The following NIBAN1 variants were observed in gnomAD, a reference collection of about 807,000 sequenced individuals.
NIBAN1 encodes niban apoptosis regulator 1, also known as protein Niban 1.
In NIBAN1, 81 loss-of-function variants were observed where a neutral mutation model predicts 75.1. That is an observed-to-expected ratio of 1.08 (90% CI 0.90 to 1.30). NIBAN1 has a LOEUF of 1.30. NIBAN1 is among the 50% of genes most tolerant of loss of function. NIBAN1 has a pLI of 0.00. For missense variants in NIBAN1, 1,133 were observed against 1,128.1 expected, an observed-to-expected ratio of 1.00 and a Z score of -0.06; for synonymous variants, 436 against 424.8, an observed-to-expected ratio of 1.03 and a Z score of -0.32.
At chr1:184,806,815 G>C (rs993842509) in intron 10 of NIBAN1, among the ~76,000 whole-genome samples, 48 of 147,282 alleles carry the variant, frequency 3.3e-4, no homozygotes, top group African/African-American at 1.2e-3. Flanking sequence ...ATCCAGGCTG[G>C]AGTAGTGCAG....
At chr1:184,916,249 A>T (rs142278455) in intron 1 of NIBAN1, among the ~76,000 whole-genome samples, 130 of 152,342 alleles carry the variant, frequency 8.5e-4, no homozygotes, top group African/African-American at 3.1e-3. Context: ...ATTGCTTTGT[A>T]ACAGAGATAT....
intron 1 of NIBAN1, among the ~76,000 whole-genome samples, chr1:184,962,497 C>T (rs961273203): frequency 6.6e-6 from 1 of 152,000 alleles, no homozygotes; most frequent in Non-Finnish European, 1.5e-5. Flanking sequence ...AATGGCCAAC[C>T]CAGTTGTAGC....
chr1:184,820,879 T>G lies in NIBAN1; in HGVS notation c.986-2054A>C, dbSNP rs149608358. 6.6e-5 allele frequency among the ~76,000 whole-genome samples: 10 copies of G among 152,362 alleles called. No homozygotes were observed. The East Asian group carries it at 1.9e-3, about 29-fold the overall frequency. On this transcript the variant is annotated intron_variant, in intron 8 of 13. Coordinates refer to ENST00000367511, the MANE Select transcript of NIBAN1 (RefSeq NM_052966.4). ...TTACTATATTACAAGTGCTTACAAC[T>G]CTGGAAGTGGCCCCTTGGAAGAACT...
intron 5 of NIBAN1, among the ~76,000 whole-genome samples, chr1:184,867,396 C>A (rs1176191986): frequency 1.3e-5 from 2 of 152,140 alleles, no homozygotes; most frequent in Non-Finnish European, 2.9e-5. Context: ...AAGAATGACT[C>A]ATTATTATTG....
chr1:184,904,726 G>A (rs1405235240), intron 1 of NIBAN1, among the ~76,000 whole-genome samples: 1 of 152,164 alleles, frequency 6.6e-6, no homozygotes, highest in Non-Finnish European at 1.5e-5. Flanking sequence ...CAAGGTGGGT[G>A]GATCACTTGA....
chr1:184,965,921 C>T (rs910582970), intron 1 of NIBAN1, among the ~76,000 whole-genome samples: 3 of 152,170 alleles, frequency 2.0e-5, no homozygotes, highest in African/African-American at 2.4e-5. Flanking sequence ...AAACTCCAGA[C>T]TGTGAAAAAC....
intron 6 of NIBAN1, among the ~76,000 whole-genome samples, chr1:184,828,633 G>A (rs754473541): frequency 9.9e-5 from 15 of 152,092 alleles, no homozygotes; most frequent in Non-Finnish European, 1.8e-4. Flanking sequence ...TCTCCAAGCC[G>A]GTTTAAAATG....
chr1:184,908,764 A>G (rs1285044786), intron 1 of NIBAN1, among the ~76,000 whole-genome samples: 3 of 152,110 alleles, frequency 2.0e-5, no homozygotes, highest in Non-Finnish European at 2.9e-5. Flanking sequence ...CAATTTTCTC[A>G]TGATACATCT....
chr1:184,795,805 C>T lies in NIBAN1; in HGVS notation c.1959G>A (p.Glu653=). 6.2e-7 allele frequency: 1 copy of T among 1,610,486 alleles called. No homozygotes were observed. The change falls in exon 14 of 14, where the codon GAG becomes GAA. Residue 653 remains glutamate, a synonymous_variant. Transcript: ENST00000367511. ...PGPSPPPDGT[E]QVIISRVDDP... ...CATCCACTCTTGAAATAATCACCTG[C>T]TCAGTCCCATCTGGGGGTGGGCTTG...
chr1:184,844,111 G>A (rs980159036), intron 5 of NIBAN1, among the ~76,000 whole-genome samples: 2 of 152,154 alleles, frequency 1.3e-5, no homozygotes, highest in African/African-American at 2.4e-5. Flanking sequence ...GTTGACAAAC[G>A]GGTCTTGGTA....
chr1:184,911,664 C>T (rs1211414293), intron 1 of NIBAN1, among the ~76,000 whole-genome samples: 1 of 152,196 alleles, frequency 6.6e-6, no homozygotes, highest in Admixed American at 6.5e-5. Flanking sequence ...AAAAGTACTG[C>T]TATGAACCAG....
chr1:184,794,668 ACTG>A lies in NIBAN1; in HGVS notation c.*306_*308del. On this transcript the variant is annotated 3_prime_UTR_variant, in exon 14 of 14. Transcript: ENST00000367511. ...AGAGTATACTCAAAACTGTCATCCTACTGTTTTCTCAGTCTTCCCTGCAATACT... is the reference window on the plus strand; with the variant it reads ...AGAGTATACTCAAAACTGTCATCCTATTTTCTCAGTCTTCCCTGCAATACT... The A allele has an allele frequency of 4.3e-6, 2 of 460,110 alleles. No individual in the cohort carries two copies. The highest frequency in any genetic ancestry group is 4.0e-5 in the African/African-American group (2 of 50,494). The allele number at this position is 460,110 out of a possible 1,614,324, so 28.5% of individuals were successfully genotyped here.
At chr1:184,915,256 AC>A (rs1259054094) in intron 1 of NIBAN1, among the ~76,000 whole-genome samples, 1 of 152,192 alleles carries the variant, frequency 6.6e-6, no homozygotes, top group African/African-American at 2.4e-5. Flanking sequence ...AGTCAGAGAA[AC>A]TGTGTTTTCA....
chr1:184,812,197 G>A (rs931801102), intron 9 of NIBAN1, among the ~76,000 whole-genome samples: 2 of 151,926 alleles, frequency 1.3e-5, no homozygotes, highest in Non-Finnish European at 2.9e-5. Context: ...CAACCATCTT[G>A]CCCAGAGACC....
intron 9 of NIBAN1, among the ~76,000 whole-genome samples, chr1:184,814,105 A>T (rs1654460218): frequency 1.3e-5 from 2 of 152,256 alleles, no homozygotes; most frequent in South Asian, 4.1e-4. Context: ...TTTAAATTAT[A>T]CAAAGCTAAA....
intron 1 of NIBAN1, among the ~76,000 whole-genome samples, chr1:184,932,048 T>A (rs556949508): frequency 6.6e-6 from 1 of 152,292 alleles, no homozygotes; most frequent in African/African-American, 2.4e-5. Context: ...ACATAGCATC[T>A]AATTATAAAA....
chr1:184,862,181 G>A (rs770594235), intron 5 of NIBAN1, among the ~76,000 whole-genome samples: 11 of 152,014 alleles, frequency 7.2e-5, no homozygotes, highest in Non-Finnish European at 1.2e-4. Flanking sequence ...GTTTATCTCC[G>A]AATGCTCCCC....
At chr1:184,932,918 AC>A (rs1657862993) in intron 1 of NIBAN1, among the ~76,000 whole-genome samples, 1 of 152,194 alleles carries the variant, frequency 6.6e-6, no homozygotes, top group African/African-American at 2.4e-5. Context: ...AACCCTTCTG[AC>A]AAAAAAGAGA....
intron 1 of NIBAN1, among the ~76,000 whole-genome samples, chr1:184,946,008 AAAG>A (rs1402542694): frequency 2.0e-5 from 3 of 151,986 alleles, no homozygotes; most frequent in Non-Finnish European, 4.4e-5. Flanking sequence ...TAAAAAAAAA[AAAG>A]AAAGAGGGGC....
Sources: gnomAD v4.1 joint callset for allele counts (sites outside exome capture counted in the v4.1 genomes callset) on GRCh38, gnomAD v4.1.1 for gene constraint, MANE v1.5 for transcripts, NCBI Gene and HGNC (gene_info 2026-07-23, HGNC 2026-07-21) for gene names.